Variants in TREH observed in about 807,000 individuals in gnomAD.
TREH encodes the protein trehalase, also known as alpha,alpha-trehalose glucohydrolase.
TREH carries 69 observed loss-of-function variants against 80.5 expected under a neutral mutation model. That is an observed-to-expected ratio of 0.86 (90% CI 0.71 to 1.05). The LOEUF (loss-of-function observed/expected upper bound fraction) is 1.05. Among genes scored for constraint, TREH ranks in the 50% least tolerant of loss-of-function variants. The pLI is 0.00. For missense variants in TREH, 716 were observed against 718.8 expected, an observed-to-expected ratio of 1.00 and a Z score of 0.04; for synonymous variants, 309 against 293.5, an observed-to-expected ratio of 1.05 and a Z score of -0.54.
At position 118,657,582 on chromosome 11, in the gene TREH, C is replaced by G. The variant is rs553821325; in HGVS notation, c.*707G>C. ...CCTGATGCACAGGCTGCCAGCCCCCCAGTCCAGCCCTCTCCCTTCCACTGG... is the reference window on the plus strand; with the variant it reads ...CCTGATGCACAGGCTGCCAGCCCCCGAGTCCAGCCCTCTCCCTTCCACTGG... On this transcript the variant is annotated 3_prime_UTR_variant, in exon 15 of 15. Coordinates refer to ENST00000264029, the MANE Select transcript of TREH (RefSeq NM_007180.3). The G allele has an allele frequency of 9.8e-5, 15 of 153,168 alleles. No homozygotes were observed. Among genetic ancestry groups the G allele is most frequent in the Non-Finnish European group, 1.2e-4 (8 of 68,364 alleles). 9.5% of individuals were successfully genotyped at this position (153,168 alleles called of 1,614,324 possible).
rs1382243998 is a variant in TREH at position 118,659,001 on chromosome 11, A to G, written c.1449T>C (p.Pro483=). ...DLVIRGLAKA[P]LRRAQEVAFQ... Reference sequence around the variant, plus strand: ...AAGCCACTTCCTGGGCCCGACGTAAAGGTGCCTTGGCCAGGCCTAGACCCC... The same window carrying G: ...AAGCCACTTCCTGGGCCCGACGTAAGGGTGCCTTGGCCAGGCCTAGACCCC... Residue 483 remains proline (P), a synonymous_variant, in exon 13 of 15, where the codon CCT becomes CCC. Coordinates refer to ENST00000264029, the MANE Select transcript of TREH (RefSeq NM_007180.3). The G allele has an allele frequency of 6.2e-7, 1 of 1,613,658 alleles. No individual in the cohort carries two copies. Among genetic ancestry groups the G allele is most frequent in the Non-Finnish European group, 8.5e-7 (1 of 1,179,860 alleles).
At chr11:118,658,882 A>AG (rs781910379) in intron 13 of TREH, 23 bp downstream of exon 13, 4 of 1,612,618 alleles carry the variant, frequency 2.5e-6, no homozygotes. Context: ...CTGGGGGTGC[A>AG]GGGAGGGCTT....
chr11:118,660,244 C>T (rs1206819220), intron 10 of TREH, among the ~76,000 whole-genome samples: 1 of 152,114 alleles, frequency 6.6e-6, no homozygotes, highest in Non-Finnish European at 1.5e-5. Context: ...CTTAGGGGGT[C>T]AAGGGCAGCT....
In TREH at chr11:118,658,285, G is replaced by A. The variant is rs1487142318; in HGVS notation, c.*4C>T. 1 of 1,581,010 alleles carries A rather than the reference G, an allele frequency of 6.3e-7. No individual in the cohort carries two copies. Among genetic ancestry groups the A allele is most frequent in the Non-Finnish European group, 8.6e-7 (1 of 1,163,420 alleles). On this transcript the variant is annotated 3_prime_UTR_variant, in exon 15 of 15. Transcript: ENST00000264029. ...GCTGGGGCCAGGTGAGGAGAGGAGG[G>A]CTGTCACCATGGCAGGAGGCTGAGC...
chr11:118,662,405 A>G (rs1949334318), intron 4 of TREH, among the ~76,000 whole-genome samples: 1 of 152,220 alleles, frequency 6.6e-6, no homozygotes, highest in Admixed American at 6.5e-5. Context: ...CCATTCTCTG[A>G]GCCAGGTGGG....
chr11:118,663,418 C>G lies in TREH; in HGVS notation c.111G>C (p.Glu37Asp). 1 of 1,588,258 alleles carries G rather than the reference C, an allele frequency of 6.3e-7. No homozygotes were observed. Among genetic ancestry groups the G allele is most frequent in the Non-Finnish European group, 8.6e-7 (1 of 1,166,986 alleles). Residue 37 changes from glutamate to aspartate, a missense_variant, in exon 2 of 15, where the codon GAG becomes GAC. Coordinates refer to ENST00000264029, the MANE Select transcript of TREH (RefSeq NM_007180.3). ...PCESEIYCHG[E>D]LLNQVQMAKL... The stretch of plus-strand genomic sequence containing the variant: ...TGGCCATTTGAACTTGGTTTAGGAG[C>G]TCCCCGTGGCAGTAAATCTCACTGC...
chr11:118,665,057 C>T (rs546865088), intron 1 of TREH, among the ~76,000 whole-genome samples: 4 of 151,648 alleles, frequency 2.6e-5, no homozygotes, highest in Admixed American at 1.3e-4. Flanking sequence ...TGCAATGAAC[C>T]GAGATCACGC....
intron 1 of TREH, among the ~76,000 whole-genome samples, chr11:118,664,638 C>T (rs1158370924): frequency 3.9e-5 from 6 of 152,208 alleles, no homozygotes; most frequent in African/African-American, 7.2e-5. Context: ...ACACAACTGA[C>T]AGCACCTAGT....
At chr11:118,679,060 T>C (rs1269253033) in intron 1 of TREH, among the ~76,000 whole-genome samples, 1 of 152,218 alleles carries the variant, frequency 6.6e-6, no homozygotes, top group East Asian at 1.9e-4. Flanking sequence ...GGCCAGGCTC[T>C]GGCAGCTGCG....
At chr11:118,662,576 G>T (rs1465637441) in intron 4 of TREH, among the ~76,000 whole-genome samples, 2 of 152,250 alleles carry the variant, frequency 1.3e-5, no homozygotes, top group African/African-American at 4.8e-5. Context: ...AGCCCAGCAG[G>T]CAGTGAACAT....
At position 118,659,977 on chromosome 11, in the gene TREH, T is replaced by G. The variant is rs782439097; in HGVS notation, c.1103-13A>C. ...TGGGAGTCGTTCCCTGGGGCAGTGC[T>G]GCCTTTAGAGCCAGCAGCCAGTGCC... is the stretch of plus-strand genomic sequence containing the variant. On this transcript the variant is annotated splice_polypyrimidine_tract_variant and intron_variant, in intron 10 of 14. Transcript: ENST00000264029. The G allele has an allele frequency of 6.8e-5, 105 of 1,550,102 alleles. No homozygotes were observed. In the South Asian group the frequency reaches 1.2e-3, roughly 18 times the overall value.
chr11:118,664,530 C>T (rs1949359086), intron 1 of TREH, among the ~76,000 whole-genome samples: 1 of 152,118 alleles, frequency 6.6e-6, no homozygotes, highest in Non-Finnish European at 1.5e-5. Flanking sequence ...CATATCAGGT[C>T]GTAGATGCAA....
rs573944469 is a variant in TREH, at chr11:118,663,317, C to T, written c.190+22G>A. ...TGGAGAGAAGGTTCTCTGGAGAGGACGTTCAGCCCTAGGTGCTTCACCTGG... is the reference window on the plus strand; with the variant it reads ...TGGAGAGAAGGTTCTCTGGAGAGGATGTTCAGCCCTAGGTGCTTCACCTGG... On this transcript the variant is annotated intron_variant, in intron 2 of 14. Coordinates refer to ENST00000264029, the MANE Select transcript of TREH (RefSeq NM_007180.3). 11 of 1,569,996 alleles carry T rather than the reference C, an allele frequency of 7.0e-6. No individual in the cohort carries two copies. The East Asian group carries it at 7.0e-5, about 10-fold the overall frequency.
At chr11:118,663,221 G>A in intron 2 of TREH, 25 bp from the exon 3 acceptor site, 2 of 1,581,866 alleles carry the variant, frequency 1.3e-6, no homozygotes, top group Non-Finnish European at 1.7e-6. Flanking sequence ...GCAGGGAGGG[G>A]TCAGCAGGGT....
intron 1 of TREH, among the ~76,000 whole-genome samples, chr11:118,675,978 C>T (rs192257377): frequency 6.6e-6 from 1 of 152,354 alleles, no homozygotes; most frequent in Non-Finnish European, 1.5e-5. Flanking sequence ...GTTGGGATTA[C>T]AGGCATGAGC....
At position 118,658,914 on chromosome 11, in the gene TREH, C is replaced by T. The variant is rs1555144131; in HGVS notation, c.1536G>A (p.Met512Ile). ...NFDVYSQKSAMYEKYDVSNGG... is the reference protein window; with the variant it reads ...NFDVYSQKSAIYEKYDVSNGG... ...GCTTGGGCCAGCTCACCTTCTCATA[C>T]ATGGCTGACTTCTGCGAGTAGACAT... The change falls in exon 13 of 15, where the codon ATG (methionine) becomes ATA (isoleucine). Residue 512 changes from methionine (M) to isoleucine (I), a missense_variant. Transcript: ENST00000264029. The T allele has an allele frequency of 6.2e-7, 1 of 1,613,946 alleles. No homozygotes were observed. Among genetic ancestry groups the T allele is most frequent in the South Asian group, 1.1e-5 (1 of 91,090 alleles).
chr11:118,661,337 G>C lies in TREH; in HGVS notation c.735-55C>G. On this transcript the variant is annotated intron_variant, in intron 7 of 14. Coordinates refer to ENST00000264029, the MANE Select transcript of TREH (RefSeq NM_007180.3). This position sits in a 1 kb window ranked among gnomAD's most constrained non-coding sequence, Gnocchi z 4.2. ...AGGCGTGCTGCCCATCCCCAGCCCT[G>C]AGAGGTCTGAGGGATGGGTGGGTCT... 6.2e-7 allele frequency: 1 copy of C among 1,613,888 alleles called. No homozygotes were observed. The highest frequency in any genetic ancestry group is 8.5e-7 in the Non-Finnish European group (1 of 1,179,790).
chr11:118,662,823 C>G, intron 4 of TREH, 58 bp downstream of exon 4: 1 of 1,536,794 alleles, frequency 6.5e-7, no homozygotes, highest in South Asian at 1.2e-5. Flanking sequence ...GGGCCCCAGG[C>G]ACATTCCTCT....
chr11:118,670,919 C>A (rs1315431597), intron 1 of TREH, among the ~76,000 whole-genome samples: 1 of 152,210 alleles, frequency 6.6e-6, no homozygotes, highest in Non-Finnish European at 1.5e-5. Flanking sequence ...CTTATTAATG[C>A]ATGGATTCAT....
Sources: gnomAD v4.1 joint callset for allele counts (sites outside exome capture counted in the v4.1 genomes callset) on GRCh38, gnomAD v4.1.1 for gene constraint, Gnocchi (gnomAD v3.1) non-coding constraint, MANE v1.5 for transcripts, NCBI Gene and HGNC (gene_info 2026-07-23, HGNC 2026-07-21) for gene names.